Variants in OCRL observed in about 807,000 individuals in gnomAD.
OCRL encodes OCRL inositol polyphosphate-5-phosphatase, also known as inositol polyphosphate 5-phosphatase OCRL.
In OCRL, 8 loss-of-function variants were observed where a neutral mutation model predicts 78.9. The observed-to-expected ratio is 0.10, with a 90% confidence interval of 0.06 to 0.18. The LOEUF is 0.18. Ranked by LOEUF, OCRL falls within the 10% of genes least tolerant of loss-of-function variation. The pLI is 1.00. For missense variants in OCRL, 454 were observed against 696.7 expected (o/e 0.65, Z 3.92); for synonymous variants, 240 against 235.4 (o/e 1.02, Z -0.18).
At chrX:129,579,616 C>T (rs1440893522) in intron 18 of OCRL, among the ~76,000 whole-genome samples, 1 of 111,913 alleles carries the variant, frequency 8.9e-6, no homozygotes, top group African/African-American at 3.2e-5. Flanking sequence ...CTTTGCCACT[C>T]CTAGAATAGT....
intron 14 of OCRL, among the ~76,000 whole-genome samples, chrX:129,567,899 AC>A (rs1460143028): frequency 2.2e-5 from 2 of 91,150 alleles, no homozygotes; most frequent in African/African-American, 8.2e-5. Flanking sequence ...TGTTTAGTAG[AC>A]CCTTTTTTTT....
intron 2 of OCRL, among the ~76,000 whole-genome samples, chrX:129,544,220 T>C (rs1935847439): frequency 9.0e-6 from 1 of 111,700 alleles, no homozygotes; most frequent in Admixed American, 9.5e-5. Context: ...TAAGGATAAA[T>C]AATAAATGAA....
chrX:129,545,608 C>G (rs1424136367), intron 3 of OCRL, among the ~76,000 whole-genome samples: 1 of 111,903 alleles, frequency 8.9e-6, no homozygotes, highest in Admixed American at 9.5e-5. Context: ...GTTTCATCTG[C>G]TACAATGAAA....
In OCRL at chrX:129,540,365, G is replaced by A; in HGVS notation, c.-75G>A. On this transcript the variant is annotated 5_prime_UTR_variant, in exon 1 of 24. In the 5' UTR this introduces an upstream ATG that the reference lacks. Coordinates refer to ENST00000371113, the MANE Select transcript of OCRL (RefSeq NM_000276.4). The stretch of plus-strand genomic sequence containing the variant: ...AACGACACGCAGCCGAGGTGGGTGG[G>A]TGTGGGGACGCGGGAGCCAGTGTCG... 1 of 1,052,021 alleles carries A rather than the reference G, an allele frequency of 9.5e-7. No individual in the cohort carries two copies. Among genetic ancestry groups the A allele is most frequent in the Non-Finnish European group, 1.3e-6 (1 of 778,979 alleles). The allele number at this position is 1,052,021 out of a possible 1,213,427, so 86.7% of individuals were successfully genotyped here.
intron 14 of OCRL, among the ~76,000 whole-genome samples, chrX:129,567,696 C>G (rs932046690): frequency 9.2e-6 from 1 of 108,113 alleles, no homozygotes; most frequent in Non-Finnish European, 1.9e-5. Flanking sequence ...ATTACCTGTT[C>G]TGGCTATTTT....
intron 2 of OCRL, among the ~76,000 whole-genome samples, chrX:129,543,959 A>C (rs1434539772): frequency 9.0e-6 from 1 of 111,684 alleles, no homozygotes; most frequent in African/African-American, 3.3e-5. Flanking sequence ...GGGGAAATAA[A>C]TATAACCATA....
chrX:129,557,838 G>A, intron 5 of OCRL, 23 bp from the exon 6 acceptor site: 1 of 1,086,193 alleles, frequency 9.2e-7, no homozygotes, highest in Non-Finnish European at 1.3e-6. Flanking sequence ...CCCAGTTTCT[G>A]ACCATGAACC....
chrX:129,573,477 G>A (rs1038653355), intron 15 of OCRL, among the ~76,000 whole-genome samples: 5 of 111,690 alleles, frequency 4.5e-5, no homozygotes, highest in African/African-American at 1.6e-4. Flanking sequence ...GAGAATATGC[G>A]GTGCTTGGTT....
intron 15 of OCRL, among the ~76,000 whole-genome samples, chrX:129,573,906 T>G (rs1936335477): frequency 8.9e-6 from 1 of 112,298 alleles, no homozygotes; most frequent in African/African-American, 3.2e-5. Context: ...TGGTGTATAT[T>G]TACCACATTT....
At chrX:129,570,829 C>A (rs917686433) in intron 15 of OCRL, among the ~76,000 whole-genome samples, 1 of 111,995 alleles carries the variant, frequency 8.9e-6, no homozygotes, top group African/African-American at 3.3e-5. Context: ...ATATTTTCAA[C>A]CAAATGCAGA....
In OCRL at chrX:129,579,974, C is replaced by T. The variant is rs192396830; in HGVS notation, c.2115+3422C>T. 2.7e-3 allele frequency among the ~76,000 whole-genome samples: 304 copies of T among 111,975 alleles called. 3 individuals are homozygous for T. Among genetic ancestry groups the T allele is most frequent in the African/African-American group, 9.2e-3 (285 of 30,894 alleles). ...TTTGGAAAGTCGTTTAAAGTGACTG[C>T]TATGAAGGTTGTAGTTTGTATTAAC... is the stretch of plus-strand genomic sequence containing the variant. On this transcript the variant is annotated intron_variant, in intron 18 of 23. Transcript: ENST00000371113.
chrX:129,540,958 G>T (rs1230343416), intron 2 of OCRL, 135 bp downstream of exon 2: 1 of 541,151 alleles, frequency 1.8e-6, no homozygotes, highest in Non-Finnish European at 3.3e-6. Context: ...TGAAGTGCCA[G>T]TGCTCTCTAA....
In OCRL at chrX:129,544,954, C is replaced by T. The variant is rs765640000; in HGVS notation, c.120-4C>T. 1.2e-5 allele frequency: 14 copies of T among 1,136,075 alleles called. No homozygotes were observed. In the South Asian group the frequency reaches 2.3e-4, roughly 19 times the overall value. 93.6% of individuals were successfully genotyped at this position (1,136,075 alleles called of 1,213,427 possible). ...GTTCTTTGATGCGTTCTTCTGTTTC[C>T]TAGGTTAATAATCCAGTTGCATGAG... On this transcript the variant is annotated splice_region_variant and splice_polypyrimidine_tract_variant and intron_variant, in intron 2 of 23. Transcript: ENST00000371113.
chrX:129,590,650 C>G lies in OCRL; in HGVS notation c.*380C>G. The G allele has an allele frequency of 4.3e-6, 1 of 232,872 alleles. No homozygotes were observed. The highest frequency in any genetic ancestry group is 7.9e-6 in the Non-Finnish European group (1 of 126,854). The allele number at this position is 232,872 out of a possible 1,213,427, so 19.2% of individuals were successfully genotyped here. On this transcript the variant is annotated 3_prime_UTR_variant, in exon 24 of 24. Coordinates refer to ENST00000371113, the MANE Select transcript of OCRL (RefSeq NM_000276.4). ...ATTCTAGGCCTACAAGCACTACTTG[C>G]TGTAGCTGAGACTTGTCTAGAGTCC... is the stretch of plus-strand genomic sequence containing the variant.
At chrX:129,552,821 G>A (rs1378401392) in intron 4 of OCRL, among the ~76,000 whole-genome samples, 2 of 112,634 alleles carry the variant, frequency 1.8e-5, no homozygotes, top group African/African-American at 3.2e-5. Context: ...TCACTAGCAC[G>A]TAGATGATAT....
Position 129,558,892 on chromosome X carries a change from A to G in OCRL, c.613A>G (p.Thr205Ala). The G allele has an allele frequency of 8.3e-7, 1 of 1,211,876 alleles. No homozygotes were observed. The highest frequency in any genetic ancestry group is 1.1e-6 in the Non-Finnish European group (1 of 895,323). Residue 205 changes from threonine (T) to alanine (A), a missense_variant, in exon 8 of 24, where the codon ACC becomes GCC. By Grantham distance (58) the Thr-to-Ala change is moderately conservative (BLOSUM62 0). Coordinates refer to ENST00000371113, the MANE Select transcript of OCRL (RefSeq NM_000276.4). ...CAAGGAGCAGCCCAAAGTGACCAAC[A>G]CCATGCGGAAGCTCTTTGTACCAAA... The part of the protein sequence containing the change: ...SNKEQPKVTN[T>A]MRKLFVPNTQ...
chrX:129,547,833 A>G (rs1302386826), intron 3 of OCRL, among the ~76,000 whole-genome samples: 1 of 111,814 alleles, frequency 8.9e-6, no homozygotes, highest in African/African-American at 3.3e-5. Context: ...CCAAGGAGTC[A>G]GTACCCAGAG....
At chrX:129,570,241 G>A in intron 15 of OCRL, among the ~76,000 whole-genome samples, 1 of 111,974 alleles carries the variant, frequency 8.9e-6, no homozygotes. Flanking sequence ...AATGTATATA[G>A]TGCAGTGCTT....
Position 129,563,300 on chromosome X carries a change from A to G in OCRL, c.1244+514A>G, listed in dbSNP as rs751529719. Among the ~76,000 whole-genome samples the G allele has an allele frequency of 2.1e-4, 23 of 111,859 alleles. No individual in the cohort carries two copies. In the South Asian group the frequency reaches 8.6e-3, roughly 42 times the overall value. On this transcript the variant is annotated intron_variant, in intron 12 of 23. Coordinates refer to ENST00000371113, the MANE Select transcript of OCRL (RefSeq NM_000276.4). ...GCTGTATGCATAAGCTATATATTGG[A>G]TTTTAAAGACTTAGGAAGAAGATGT...
Sources: allele counts gnomAD v4.1 joint callset (sites outside exome capture counted in the v4.1 genomes callset), GRCh38; gene constraint gnomAD v4.1.1; transcripts MANE v1.5; gene names NCBI Gene and HGNC (gene_info 2026-07-23, HGNC 2026-07-21).